YEATS2: variants seen among roughly 807,000 people sequenced by gnomAD.
YEATS2 encodes YEATS domain containing 2, also known as YEATS domain-containing protein 2.
Under a neutral mutation model 163.2 loss-of-function variants are expected in YEATS2, and 77 were observed. The ratio of observed to expected loss-of-function variants is 0.47; its 90% CI spans 0.39 to 0.57. The LOEUF is 0.57. YEATS2 is among the 20% of genes least tolerant of loss of function. The probability of loss-of-function intolerance (pLI) is 0.00; values close to 1 mark genes in which losing one functional copy is unlikely to be tolerated. For missense variants in YEATS2, 1,549 were observed against 1,729.8 expected (o/e 0.90, Z 1.85); for synonymous variants, 631 against 645.1 (o/e 0.98, Z 0.33).
At chr3:183,771,508 C>CTTT (rs199935565) in intron 15 of YEATS2, among the ~76,000 whole-genome samples, 3 of 48,792 alleles carry the variant, frequency 6.1e-5, no homozygotes, top group African/African-American at 2.0e-4. Context: ...GTACTGGGGT[C>CTTT]TTTTTTTTTT....
chr3:183,782,548 C>T (rs928733076), intron 19 of YEATS2, among the ~76,000 whole-genome samples: 4 of 152,022 alleles, frequency 2.6e-5, no homozygotes, highest in East Asian at 3.8e-4. Context: ...CTCAGCCTCC[C>T]GAGTAGCTAG....
chr3:183,745,350 A>G (rs906028541), intron 8 of YEATS2, among the ~76,000 whole-genome samples: 2 of 152,150 alleles, frequency 1.3e-5, no homozygotes, highest in African/African-American at 2.4e-5. Flanking sequence ...CTCAGGGCTC[A>G]TTTTGACTCG....
At position 183,700,653 on chromosome 3, in the gene YEATS2, C is replaced by T. The variant is rs572008119; in HGVS notation, c.-20+2660C>T. ...ACAGTCTGTTGCCCAGGCCTGTAAT[C>T]CCAGCTGCTCGGGAGGCTGAGGCAG... On this transcript the variant is annotated intron_variant, in intron 1 of 30. Coordinates refer to ENST00000305135, the MANE Select transcript of YEATS2 (RefSeq NM_018023.5). 2.9e-3 allele frequency among the ~76,000 whole-genome samples: 377 copies of T among 127,896 alleles called. 2 individuals are homozygous for T. Among genetic ancestry groups the T allele is most frequent in the Non-Finnish European group, 4.3e-3 (274 of 63,922 alleles). 83.9% of individuals were successfully genotyped at this position (127,896 alleles called of 152,430 possible).
chr3:183,744,346 A>T (rs532474831), intron 8 of YEATS2, among the ~76,000 whole-genome samples: 5 of 151,344 alleles, frequency 3.3e-5, no homozygotes. Flanking sequence ...CAAACTCCTG[A>T]CCTCAGGTGA....
At chr3:183,807,534 G>T (rs747614107) in intron 28 of YEATS2, 13 of 234,400 alleles carry the variant, frequency 5.5e-5, no homozygotes, top group African/African-American at 3.0e-4. Flanking sequence ...GGTGCAGATG[G>T]CGTGCACCTG....
Position 183,756,624 on chromosome 3 carries a change from A to G in YEATS2, c.1487A>G (p.Asn496Ser), listed in dbSNP as rs35139586. 1,263 of 1,605,418 alleles carry G rather than the reference A, an allele frequency of 7.9e-4. No individual in the cohort carries two copies. Among genetic ancestry groups the G allele is most frequent in the Middle Eastern group, 2.1e-3 (13 of 6,048 alleles). ...CAAGGCACTGCCGGCTCTGTTATTA[A>G]TAATCCTTATGTTATCATGGACAAG... is the stretch of plus-strand genomic sequence containing the variant. The part of the protein sequence containing the change: ...VKQGTAGSVI[N>S]NPYVIMDKQP... The change falls in exon 12 of 31, where the codon AAT (asparagine) becomes AGT (serine). Residue 496 changes from asparagine (N) to serine (S), a missense_variant. Physicochemically the swap from Asn to Ser is conservative, Grantham distance 46 (BLOSUM62 1). Coordinates refer to ENST00000305135, the MANE Select transcript of YEATS2 (RefSeq NM_018023.5).
At chr3:183,738,391 C>CTTTTTTTTT (rs1173865612) in intron 8 of YEATS2, among the ~76,000 whole-genome samples, 2 of 74,040 alleles carry the variant, frequency 2.7e-5, no homozygotes, top group Admixed American at 1.5e-4. Context: ...AGGAAAAGTT[C>CTTTTTTTTT]TTTTTTTTTT....
chr3:183,724,612 G>A (rs1183318807), intron 6 of YEATS2, 81 bp downstream of exon 6: 9 of 962,272 alleles, frequency 9.4e-6, no homozygotes, highest in Non-Finnish European at 1.4e-5. Context: ...TGTTACAGTA[G>A]GAAGCAGCCT....
rs796312852 is a variant in YEATS2, at chr3:183,730,792, C to T, written c.812+1941C>T. Among the ~76,000 whole-genome samples the T allele has an allele frequency of 2.6e-5, 4 of 152,254 alleles. 1 individual carries two copies. The highest frequency in any genetic ancestry group is 7.2e-5 in the African/African-American group (3 of 41,548). ...TTAACATCCATATAGACAGTTCATCCAAAACCCTGGTCTCTTGGTTCTTTG... is the reference window on the plus strand; with the variant it reads ...TTAACATCCATATAGACAGTTCATCTAAAACCCTGGTCTCTTGGTTCTTTG... On this transcript the variant is annotated intron_variant, in intron 7 of 30. Coordinates refer to ENST00000305135, the MANE Select transcript of YEATS2 (RefSeq NM_018023.5).
intron 1 of YEATS2, among the ~76,000 whole-genome samples, chr3:183,708,859 G>C (rs763949196): frequency 6.6e-6 from 1 of 152,054 alleles, no homozygotes; most frequent in Non-Finnish European, 1.5e-5. Flanking sequence ...GTAAGACTCT[G>C]TCTCTAAAAA....
intron 4 of YEATS2, 84 bp downstream of exon 4, chr3:183,718,676 A>G (rs1431528071): frequency 1.9e-6 from 2 of 1,058,872 alleles, no homozygotes; most frequent in Admixed American, 2.9e-5. Context: ...GAATCCCTGC[A>G]TCTGAAACAT....
intron 17 of YEATS2, among the ~76,000 whole-genome samples, chr3:183,775,616 T>G (rs1422719600): frequency 6.6e-6 from 1 of 152,034 alleles, no homozygotes; most frequent in African/African-American, 2.4e-5. Context: ...GGCTAGAAAA[T>G]GTCAGTAGCA....
chr3:183,803,093 TGAG>T (rs777351980), intron 25 of YEATS2, 160 bp from the exon 26 acceptor site: 28 of 686,514 alleles, frequency 4.1e-5, no homozygotes, highest in Non-Finnish European at 5.8e-5. Flanking sequence ...CCTTCTCTTC[TGAG>T]GAGACGCCCT....
At chr3:183,738,331 A>G (rs575774051) in intron 8 of YEATS2, among the ~76,000 whole-genome samples, 1 of 151,916 alleles carries the variant, frequency 6.6e-6, no homozygotes, top group East Asian at 1.9e-4. Flanking sequence ...GAAAGCCAAG[A>G]TAGGCTAAAA....
chr3:183,729,827 A>G (rs1463316786), intron 7 of YEATS2, among the ~76,000 whole-genome samples: 3 of 151,890 alleles, frequency 2.0e-5, no homozygotes, highest in Admixed American at 2.0e-4. Context: ...AGCTGGGATT[A>G]CAGGTGCCCG....
At chr3:183,740,397 C>T (rs1718820397) in intron 8 of YEATS2, among the ~76,000 whole-genome samples, 2 of 152,178 alleles carry the variant, frequency 1.3e-5, no homozygotes, top group Admixed American at 6.5e-5. Context: ...ATCAAAACCA[C>T]TATGAGATAT....
At chr3:183,720,981 G>A (rs1716432131) in intron 4 of YEATS2, among the ~76,000 whole-genome samples, 1 of 152,130 alleles carries the variant, frequency 6.6e-6, no homozygotes, top group African/African-American at 2.4e-5. Flanking sequence ...TAAGCGAGGA[G>A]GACTTCATTG....
In YEATS2 at chr3:183,756,617, G is replaced by T; in HGVS notation, c.1480G>T (p.Val494Phe). ...CGTGAAGCAAGGCACTGCCGGCTCT[G>T]TTATTAATAATCCTTATGTTATCAT... ...VHVKQGTAGS[V>F]INNPYVIMDK... The change falls in exon 12 of 31, where the codon GTT becomes TTT. Residue 494 changes from valine to phenylalanine, a missense_variant. Coordinates refer to ENST00000305135, the MANE Select transcript of YEATS2 (RefSeq NM_018023.5). 6.2e-7 allele frequency: 1 copy of T among 1,606,356 alleles called. No individual in the cohort carries two copies.
At chr3:183,774,891 G>A (rs768229902) in intron 17 of YEATS2, among the ~76,000 whole-genome samples, 1 of 152,184 alleles carries the variant, frequency 6.6e-6, no homozygotes, top group Admixed American at 6.5e-5. Context: ...AAAGGACAAT[G>A]TAAATATTTC....
Sources: allele counts gnomAD v4.1 joint callset (sites outside exome capture counted in the v4.1 genomes callset), GRCh38; gene constraint gnomAD v4.1.1; transcripts MANE v1.5; gene names NCBI Gene and HGNC (gene_info 2026-07-23, HGNC 2026-07-21).